LRRN2: variants seen among roughly 807,000 people sequenced by gnomAD.
LRRN2 encodes leucine rich repeat neuronal 2.
Under a neutral mutation model 35.7 loss-of-function variants are expected in LRRN2, and 10 were observed. The observed-to-expected ratio is 0.28, with a 90% CI of 0.17 to 0.47. The LOEUF is 0.47. Ranked by LOEUF, LRRN2 falls within the 20% of genes least tolerant of loss-of-function variation. The probability of loss-of-function intolerance (pLI) is 0.99; values close to 1 mark genes in which losing one functional copy is unlikely to be tolerated. For missense variants in LRRN2, 731 were observed against 940.3 expected, an observed-to-expected ratio of 0.78 and a Z score of 2.91; for synonymous variants, 391 against 409.6, an observed-to-expected ratio of 0.95 and a Z score of 0.55.
In LRRN2 at chr1:204,670,291, G is replaced by A. The variant is rs367782496; in HGVS notation, c.-227+15029C>T. Among the ~76,000 whole-genome samples the A allele has an allele frequency of 1.1e-4, 17 of 152,260 alleles. 1 individual carries two copies. Among genetic ancestry groups the A allele is most frequent in the African/African-American group, 3.1e-4 (13 of 41,554 alleles). On this transcript the variant is annotated intron_variant, in intron 1 of 1. Transcript: ENST00000367177. ...CTGACAGTGACTCCCAGTTGATGGCGTGCAGAACTGAGGTTTGAGGTTATG... is the reference window on the plus strand; with the variant it reads ...CTGACAGTGACTCCCAGTTGATGGCATGCAGAACTGAGGTTTGAGGTTATG...
At chr1:204,678,900 C>T (rs1417912791) in intron 1 of LRRN2, among the ~76,000 whole-genome samples, 1 of 152,134 alleles carries the variant, frequency 6.6e-6, no homozygotes, top group Non-Finnish European at 1.5e-5. Flanking sequence ...TTACTGCATC[C>T]CCAGACAATA....
At chr1:204,662,139 T>C (rs1668485315) in intron 1 of LRRN2, among the ~76,000 whole-genome samples, 1 of 152,144 alleles carries the variant, frequency 6.6e-6, no homozygotes, top group South Asian at 2.1e-4. Context: ...AACCCAAGAC[T>C]GAAGACCCAC....
intron 1 of LRRN2, chr1:204,627,207 C>T (rs760508882): frequency 1.1e-4 from 17 of 152,196 alleles, no homozygotes; most frequent in Non-Finnish European, 2.2e-4. Flanking sequence ...GAAACGTAAG[C>T]TCCGCGAAGC....
At chr1:204,621,557 G>GT (rs1474150543) in intron 1 of LRRN2, 1 of 167,146 alleles carries the variant, frequency 6.0e-6, no homozygotes, top group African/African-American at 2.4e-5. Context: ...TGTGCCTGTA[G>GT]TACGGGATGG....
intron 1 of LRRN2, among the ~76,000 whole-genome samples, chr1:204,627,889 C>T (rs1264369970): frequency 1.3e-5 from 2 of 152,230 alleles, no homozygotes. Flanking sequence ...GTTGCCAGTT[C>T]TTCCAACAGT....
At chr1:204,660,542 G>C (rs568169846) in intron 1 of LRRN2, among the ~76,000 whole-genome samples, 3 of 147,724 alleles carry the variant, frequency 2.0e-5, no homozygotes, top group Admixed American at 6.7e-5. Flanking sequence ...CCTTCTCCCC[G>C]CCTTACACAG....
At position 204,617,969 on chromosome 1, in the gene LRRN2, C is replaced by G; in HGVS notation, c.2024G>C (p.Ser675Thr). 1 of 1,613,802 alleles carries G rather than the reference C, an allele frequency of 6.2e-7. No homozygotes were observed. Among genetic ancestry groups the G allele is most frequent in the East Asian group, 2.2e-5 (1 of 44,864 alleles). Reference protein sequence around the residue: ...LPPAWAFWGWSAPSVRVVSAP... With the variant: ...LPPAWAFWGWTAPSVRVVSAP... ...AGACACAACCCGGACAGAAGGGGCACTCCAGCCCCAGAAAGCCCAGGCTGG... is the reference window on the plus strand; with the variant it reads ...AGACACAACCCGGACAGAAGGGGCAGTCCAGCCCCAGAAAGCCCAGGCTGG... Residue 675 changes from serine to threonine, a missense_variant, in exon 2 of 2, where the codon AGT (serine) becomes ACT (threonine). Around this residue, in one of 3 missense-constraint regions of LRRN2, gnomAD observed 229 missense variants for 258.4 expected, o/e 0.89. Transcript: ENST00000367177.
At chr1:204,631,256 C>CTACATATATATA (rs1667686630) in intron 1 of LRRN2, among the ~76,000 whole-genome samples, 1 of 36,910 alleles carries the variant, frequency 2.7e-5, no homozygotes, top group Admixed American at 4.0e-4. Context: ...CTAGAGTGTT[C>CTACATATATATA]TATATATATA....
intron 1 of LRRN2, among the ~76,000 whole-genome samples, chr1:204,623,912 G>A (rs982124927): frequency 6.6e-6 from 1 of 152,198 alleles, no homozygotes; most frequent in Admixed American, 6.5e-5. Context: ...CTGTGTGTAG[G>A]CAAGAAGGGA....
chr1:204,653,792 G>A (rs1283017217), intron 1 of LRRN2, among the ~76,000 whole-genome samples: 2 of 150,760 alleles, frequency 1.3e-5, no homozygotes, highest in East Asian at 3.9e-4. Flanking sequence ...AGCCCTGTAG[G>A]TCAAGGCTAC....
At chr1:204,668,212 T>C (rs1668630068) in intron 1 of LRRN2, among the ~76,000 whole-genome samples, 1 of 152,164 alleles carries the variant, frequency 6.6e-6, no homozygotes, top group African/African-American at 2.4e-5. Context: ...TGGTGTTTGT[T>C]TGTGGTGCCA....
chr1:204,679,763 G>C (rs749440443), intron 1 of LRRN2, among the ~76,000 whole-genome samples: 3 of 152,248 alleles, frequency 2.0e-5, no homozygotes, highest in African/African-American at 4.8e-5. Flanking sequence ...CATGGGCACT[G>C]ACTCTTAAGG....
chr1:204,674,957 T>C (rs1223756431), intron 1 of LRRN2, among the ~76,000 whole-genome samples: 1 of 152,192 alleles, frequency 6.6e-6, no homozygotes, highest in Non-Finnish European at 1.5e-5. Flanking sequence ...TGTAAAAATA[T>C]ACACATACAA....
intron 1 of LRRN2, among the ~76,000 whole-genome samples, chr1:204,654,551 C>G (rs1288615538): frequency 6.6e-6 from 1 of 152,184 alleles, no homozygotes; most frequent in African/African-American, 2.4e-5. Flanking sequence ...CTGTCTTGAT[C>G]CTTTTTGCAT....
chr1:204,669,777 C>A (rs1453922808), intron 1 of LRRN2, among the ~76,000 whole-genome samples: 2 of 152,160 alleles, frequency 1.3e-5, no homozygotes, highest in African/African-American at 4.8e-5. Context: ...GAGTGCAGAG[C>A]ATGAGGGAGG....
At chr1:204,666,535 C>T (rs534381028) in intron 1 of LRRN2, among the ~76,000 whole-genome samples, 4 of 152,316 alleles carry the variant, frequency 2.6e-5, no homozygotes, top group African/African-American at 4.8e-5. Context: ...AATGCCAATG[C>T]CCTTCAGTGG....
intron 1 of LRRN2, among the ~76,000 whole-genome samples, chr1:204,626,124 G>A (rs1224694025): frequency 6.6e-6 from 1 of 151,998 alleles, no homozygotes; most frequent in Non-Finnish European, 1.5e-5. Context: ...ACTCTACTCG[G>A]CAGTCTCAGA....
At chr1:204,623,628 G>A (rs1019226529) in intron 1 of LRRN2, among the ~76,000 whole-genome samples, 23 of 152,342 alleles carry the variant, frequency 1.5e-4, no homozygotes, top group South Asian at 6.2e-4. Flanking sequence ...CACATGGCCC[G>A]CTCATGCAGG....
chr1:204,645,855 G>T (rs1487230092), intron 1 of LRRN2, among the ~76,000 whole-genome samples: 2 of 152,130 alleles, frequency 1.3e-5, no homozygotes, highest in East Asian at 1.9e-4. Flanking sequence ...CATGAGAAGG[G>T]CATGGGGGAA....
Sources: gnomAD v4.1 joint callset for allele counts (sites outside exome capture counted in the v4.1 genomes callset) on GRCh38, gnomAD v4.1.1 for gene constraint, gnomAD v4.1.1 regional missense constraint, MANE v1.5 for transcripts, NCBI Gene and HGNC (gene_info 2026-07-23, HGNC 2026-07-21) for gene names.